The following SH2D4B variants were observed in gnomAD, a reference collection of about 807,000 sequenced individuals.
SH2D4B encodes the protein SH2 domain containing 4B, also known as SH2 domain-containing protein 4B.
Under a neutral mutation model 61.5 loss-of-function variants are expected in SH2D4B, and 45 were observed. The ratio of observed to expected loss-of-function variants is 0.73; its 90% CI spans 0.58 to 0.94. The LOEUF (loss-of-function observed/expected upper bound fraction) is 0.94. Ranked by LOEUF, SH2D4B falls within the 40% of genes least tolerant of loss-of-function variation. The probability of loss-of-function intolerance (pLI) is 0.00; values close to 1 mark genes in which losing one functional copy is unlikely to be tolerated. For missense variants in SH2D4B, 572 were observed against 574.2 expected (o/e 1.00, Z 0.04); for synonymous variants, 224 against 220.4 (o/e 1.02, Z -0.14).
At chr10:80,556,739 T>G (rs1367262462) in intron 1 of SH2D4B, among the ~76,000 whole-genome samples, 1 of 152,194 alleles carries the variant, frequency 6.6e-6, no homozygotes, top group Non-Finnish European at 1.5e-5. Context: ...TTTTTGTGTA[T>G]TAACCTTATA....
intron 6 of SH2D4B, among the ~76,000 whole-genome samples, chr10:80,629,506 A>T (rs1842806200): frequency 1.3e-5 from 2 of 152,164 alleles, no homozygotes; most frequent in African/African-American, 4.8e-5. Context: ...TGGCCCAGCT[A>T]AGTTTATGGT....
At chr10:80,619,975 C>G (rs1417634805) in intron 6 of SH2D4B, among the ~76,000 whole-genome samples, 2 of 152,184 alleles carry the variant, frequency 1.3e-5, no homozygotes, top group South Asian at 4.1e-4. Flanking sequence ...TGTGGTCAGC[C>G]TTAAAATTGG....
chr10:80,602,183 G>A (rs1269215868), intron 4 of SH2D4B, among the ~76,000 whole-genome samples: 2 of 152,188 alleles, frequency 1.3e-5, no homozygotes, highest in Admixed American at 6.5e-5. Context: ...GGAAGAGGTC[G>A]TGCGTGGGGG....
chr10:80,620,324 C>T (rs1842705102), intron 6 of SH2D4B, among the ~76,000 whole-genome samples: 2 of 152,272 alleles, frequency 1.3e-5, no homozygotes, highest in South Asian at 4.2e-4. Flanking sequence ...CTCCTGCCCA[C>T]CTGTGAAGAT....
intron 3 of SH2D4B, among the ~76,000 whole-genome samples, chr10:80,580,060 T>C (rs1376686802): frequency 6.6e-6 from 1 of 152,254 alleles, no homozygotes; most frequent in African/African-American, 2.4e-5. Context: ...GGTTTGGTTC[T>C]GCTTTTTTGG....
chr10:80,594,002 G>A (rs1265342504), intron 4 of SH2D4B, among the ~76,000 whole-genome samples: 11 of 151,948 alleles, frequency 7.2e-5, no homozygotes, highest in Non-Finnish European at 1.3e-4. Flanking sequence ...TTTTAGCGAC[G>A]GGGTTTTGCC....
chr10:80,601,623 T>C (rs952553704), intron 4 of SH2D4B, among the ~76,000 whole-genome samples: 2 of 152,244 alleles, frequency 1.3e-5, no homozygotes, highest in Non-Finnish European at 2.9e-5. Flanking sequence ...GTGGATATTC[T>C]GTATGGGACA....
intron 1 of SH2D4B, among the ~76,000 whole-genome samples, chr10:80,561,562 A>G (rs894583199): frequency 5.9e-5 from 9 of 152,222 alleles, no homozygotes; most frequent in African/African-American, 2.2e-4. Context: ...TTTAAATATT[A>G]AACTTTTTAT....
intron 3 of SH2D4B, among the ~76,000 whole-genome samples, chr10:80,585,711 G>A (rs7081344): frequency 0.033 from 4,995 of 152,318 alleles, 95 homozygotes; most frequent in Middle Eastern, 0.061. Flanking sequence ...GTGACAGCGT[G>A]CTAGCAGCCC....
chr10:80,642,033 G>C (rs958763852), intron 7 of SH2D4B, among the ~76,000 whole-genome samples: 2 of 152,166 alleles, frequency 1.3e-5, no homozygotes, highest in Non-Finnish European at 2.9e-5. Flanking sequence ...TATCTCCTGA[G>C]CAGTAACATA....
intron 4 of SH2D4B, among the ~76,000 whole-genome samples, chr10:80,595,745 C>T (rs987110571): frequency 6.6e-5 from 10 of 152,320 alleles, no homozygotes; most frequent in Middle Eastern, 3.4e-3. Context: ...CTGTCCTCTC[C>T]TCCTGGAGTA....
intron 3 of SH2D4B, among the ~76,000 whole-genome samples, chr10:80,582,504 G>A (rs1023959790): frequency 3.3e-5 from 5 of 152,156 alleles, no homozygotes; most frequent in Non-Finnish European, 5.9e-5. Context: ...CAGGACCCCC[G>A]CACTGGGGCC....
chr10:80,643,809 G>A (rs1840349470), intron 7 of SH2D4B, among the ~76,000 whole-genome samples, 184 bp from the exon 8 acceptor site: 1 of 151,054 alleles, frequency 6.6e-6, no homozygotes, highest in Non-Finnish European at 1.5e-5. Context: ...TTTTTTTCCA[G>A]TACTTTTTAT....
chr10:80,544,642 G>T (rs1841643634), intron 1 of SH2D4B, among the ~76,000 whole-genome samples: 1 of 152,204 alleles, frequency 6.6e-6, no homozygotes, highest in Non-Finnish European at 1.5e-5. Context: ...TGCCAGCCCT[G>T]CCTGGACCCC....
At chr10:80,603,330 G>A (rs927112146) in intron 4 of SH2D4B, among the ~76,000 whole-genome samples, 1 of 152,158 alleles carries the variant, frequency 6.6e-6, no homozygotes, top group Non-Finnish European at 1.5e-5. Context: ...ACCTCTGTAG[G>A]GACAGGCTTG....
intron 6 of SH2D4B, among the ~76,000 whole-genome samples, chr10:80,613,766 T>C (rs1842629553): frequency 6.6e-6 from 1 of 152,222 alleles, no homozygotes; most frequent in African/African-American, 2.4e-5. Flanking sequence ...TCTTATGAGA[T>C]GCGAGAGCTC....
intron 1 of SH2D4B, among the ~76,000 whole-genome samples, chr10:80,549,206 T>TGG: frequency 2.1e-5 from 2 of 94,322 alleles, no homozygotes; most frequent in Non-Finnish European, 4.1e-5. Context: ...GACTTGATTG[T>TGG]GTGTGTGTGT....
chr10:80,572,128 C>T (rs1030038826), intron 3 of SH2D4B, among the ~76,000 whole-genome samples: 4 of 152,150 alleles, frequency 2.6e-5, no homozygotes, highest in African/African-American at 9.7e-5. Context: ...ACAGAAGAGA[C>T]TTGGCCAAGT....
intron 5 of SH2D4B, among the ~76,000 whole-genome samples, chr10:80,605,982 C>T (rs1459126763): frequency 6.6e-6 from 1 of 152,184 alleles, no homozygotes; most frequent in East Asian, 1.9e-4. Flanking sequence ...AATAGGGGAG[C>T]AGTGGCCTCA....
Sources: allele counts gnomAD v4.1 joint callset (sites outside exome capture counted in the v4.1 genomes callset), GRCh38; gene constraint gnomAD v4.1.1; transcripts MANE v1.5; gene names NCBI Gene and HGNC (gene_info 2026-07-23, HGNC 2026-07-21).